The following PLXDC2 variants were observed in gnomAD, a reference collection of about 807,000 sequenced individuals.
PLXDC2 encodes plexin domain-containing protein 2.
PLXDC2 carries 40 observed loss-of-function variants against 68.9 expected under a neutral mutation model. That is an observed-to-expected ratio of 0.58 (90% CI 0.45 to 0.76). The LOEUF is 0.76. Ranked by LOEUF, PLXDC2 falls within the 30% of genes least tolerant of loss-of-function variation. PLXDC2 has a pLI of 0.00. For missense variants in PLXDC2, 644 were observed against 661.9 expected (o/e 0.97, Z 0.30); for synonymous variants, 243 against 234.2 (o/e 1.04, Z -0.34).
In PLXDC2 at chr10:19,834,356, T is replaced by A. The variant is rs375340451; in HGVS notation, c.112+17165T>A. Among the ~76,000 whole-genome samples the A allele has an allele frequency of 2.2e-3, 290 of 133,596 alleles. 1 individual carries two copies. Among genetic ancestry groups the A allele is most frequent in the African/African-American group, 6.0e-3 (214 of 35,434 alleles). 87.6% of individuals were successfully genotyped at this position (133,596 alleles called of 152,430 possible). The stretch of plus-strand genomic sequence containing the variant: ...GAGAGAGAGAGAGAGAGAGAGAGAG[T>A]GTGTGTGTGTCTGTGTGTGTCTGTG... On this transcript the variant is annotated intron_variant, in intron 1 of 13. Coordinates refer to ENST00000377252, the MANE Select transcript of PLXDC2 (RefSeq NM_032812.9).
intron 10 of PLXDC2, among the ~76,000 whole-genome samples, chr10:20,214,195 T>A (rs1410080296): frequency 6.6e-6 from 1 of 152,196 alleles, no homozygotes; most frequent in African/African-American, 2.4e-5. Context: ...GATTTTTGTA[T>A]ATTCCATATT....
At chr10:19,947,707 C>CTTTTTTTTTTTTTT (rs34439585) in intron 1 of PLXDC2, among the ~76,000 whole-genome samples, 3 of 120,970 alleles carry the variant, frequency 2.5e-5, no homozygotes, top group Non-Finnish European at 5.2e-5. Flanking sequence ...TTCTTTCTTT[C>CTTTTTTTTTTTTTT]TTTTTTTTTT....
chr10:19,986,644 T>C (rs1458390613), intron 1 of PLXDC2, among the ~76,000 whole-genome samples: 1 of 152,166 alleles, frequency 6.6e-6, no homozygotes, highest in Admixed American at 6.5e-5. Flanking sequence ...GTTAAAACAC[T>C]TCACTCCAGA....
chr10:20,012,615 C>T (rs1039585226), intron 2 of PLXDC2, among the ~76,000 whole-genome samples: 2 of 151,864 alleles, frequency 1.3e-5, no homozygotes, highest in South Asian at 2.1e-4. Flanking sequence ...CGTCAACCAC[C>T]GCATCTGGCT....
chr10:20,002,125 T>A, intron 2 of PLXDC2, 139 bp downstream of exon 2: 1 of 816,158 alleles, frequency 1.2e-6, no homozygotes, highest in Non-Finnish European at 1.9e-6. Flanking sequence ...TTTAATTCGT[T>A]AATAAATATA....
At chr10:20,251,728 C>A (rs531499957) in intron 13 of PLXDC2, among the ~76,000 whole-genome samples, 1 of 151,964 alleles carries the variant, frequency 6.6e-6, no homozygotes, top group African/African-American at 2.4e-5. Context: ...TGGACTATAA[C>A]GAAATAGTTT....
At chr10:19,877,732 G>C (rs1160476580) in intron 1 of PLXDC2, among the ~76,000 whole-genome samples, 1 of 152,212 alleles carries the variant, frequency 6.6e-6, no homozygotes, top group Non-Finnish European at 1.5e-5. Context: ...CCTCTGGAGA[G>C]AAAAATAAAC....
chr10:19,826,840 G>A (rs1028478399), intron 1 of PLXDC2, among the ~76,000 whole-genome samples: 33 of 152,040 alleles, frequency 2.2e-4, no homozygotes, highest in African/African-American at 6.3e-4. Context: ...TCTTGTGGTC[G>A]CGTTTGTTAA....
At chr10:20,024,751 A>G (rs1835368333) in intron 2 of PLXDC2, among the ~76,000 whole-genome samples, 1 of 151,824 alleles carries the variant, frequency 6.6e-6, no homozygotes, top group African/African-American at 2.4e-5. Context: ...CCCAGTATCT[A>G]TTTTTGCCTT....
chr10:19,883,783 C>T (rs759125651), intron 1 of PLXDC2, among the ~76,000 whole-genome samples: 5 of 151,044 alleles, frequency 3.3e-5, no homozygotes, highest in Non-Finnish European at 7.4e-5. Flanking sequence ...GCCTTTCAGT[C>T]GTCCAGTGTT....
chr10:20,219,967 C>T, intron 12 of PLXDC2, among the ~76,000 whole-genome samples: 1 of 152,096 alleles, frequency 6.6e-6, no homozygotes, highest in Non-Finnish European at 1.5e-5. Context: ...TTCAAAACCC[C>T]TCAGCTTAGG....
chr10:19,959,324 A>G (rs1564639542), intron 1 of PLXDC2, among the ~76,000 whole-genome samples: 1 of 152,198 alleles, frequency 6.6e-6, no homozygotes, highest in Non-Finnish European at 1.5e-5. Context: ...AAAAAGGAAG[A>G]TGAAATCAAA....
intron 5 of PLXDC2, among the ~76,000 whole-genome samples, chr10:20,145,753 C>T (rs1340401499): frequency 6.6e-6 from 1 of 151,944 alleles, no homozygotes; most frequent in Non-Finnish European, 1.5e-5. Flanking sequence ...TGGGGTTTCA[C>T]CGTGTTAGCC....
rs974564938 is a variant in PLXDC2, at chr10:19,890,765, TTTAA to T, written c.112+73578_112+73581del. On this transcript the variant is annotated intron_variant, in intron 1 of 13. Transcript: ENST00000377252. ...GAACTATGTGTACATAGAATAATTA[TTTAA>T]TTATTTAATACCATTTAGACTTCTT... Among the ~76,000 whole-genome samples, 5 of 150,926 alleles carry T rather than the reference TTTAA, an allele frequency of 3.3e-5. No homozygotes were observed. In the South Asian group the frequency reaches 6.3e-4, roughly 19 times the overall value.
intron 9 of PLXDC2, among the ~76,000 whole-genome samples, chr10:20,196,091 T>C (rs1834833656): frequency 6.6e-6 from 1 of 152,194 alleles, no homozygotes; most frequent in African/African-American, 2.4e-5. Context: ...ACTAGTTTTA[T>C]TTGTTATGGG....
chr10:20,008,082 C>T (rs1279027946), intron 2 of PLXDC2, among the ~76,000 whole-genome samples: 4 of 152,224 alleles, frequency 2.6e-5, no homozygotes, highest in Admixed American at 6.5e-5. Context: ...ATCACACATA[C>T]ACTGCCAGTT....
intron 2 of PLXDC2, among the ~76,000 whole-genome samples, chr10:20,026,227 GT>G (rs1381261181): frequency 3.3e-5 from 5 of 150,266 alleles, no homozygotes; most frequent in Admixed American, 6.7e-5. Context: ...AGAGACTATG[GT>G]TTTTTTTTTA....
intron 1 of PLXDC2, among the ~76,000 whole-genome samples, chr10:19,967,402 C>G (rs548005064): frequency 2.0e-5 from 3 of 152,078 alleles, no homozygotes; most frequent in African/African-American, 7.2e-5. Context: ...AAAGACAAAT[C>G]AAAAGAAAGT....
intron 4 of PLXDC2, among the ~76,000 whole-genome samples, chr10:20,097,210 G>A (rs1399237031): frequency 6.6e-6 from 1 of 152,148 alleles, no homozygotes; most frequent in African/African-American, 2.4e-5. Context: ...CCAAGAAATA[G>A]GTCATTTGAA....
Sources: allele counts gnomAD v4.1 joint callset (sites outside exome capture counted in the v4.1 genomes callset), GRCh38; gene constraint gnomAD v4.1.1; transcripts MANE v1.5; gene names NCBI Gene and HGNC (gene_info 2026-07-23, HGNC 2026-07-21).